The following OCEL1 variants were observed in gnomAD, a reference collection of about 807,000 sequenced individuals.
OCEL1 encodes the protein occludin/ELL domain containing 1, also known as occludin/ELL domain-containing protein 1.
Under a neutral mutation model 29.4 loss-of-function variants are expected in OCEL1, and 24 were observed. That is an observed-to-expected ratio of 0.82 (90% CI 0.59 to 1.15). OCEL1 has a LOEUF of 1.15. Among genes scored for constraint, OCEL1 ranks in the 50% most tolerant of loss-of-function variants. The pLI is 0.00. For synonymous variants in OCEL1, 172 were observed against 145.3 expected, an observed-to-expected ratio of 1.18 and a Z score of -1.32; for missense variants, 402 against 352.5, an observed-to-expected ratio of 1.14 and a Z score of -1.13.
In OCEL1 at chr19:17,228,276, C is replaced by T. The variant is rs138873912; in HGVS notation, c.639C>T (p.Ala213=). ...TGCAGAAGGAGGCCCAAGTTGCAGC[C>T]CGGGTTTGGAGGGAGTTTGAGATGA... The part of the protein sequence containing the change: ...PQSQKEAQVA[A]RVWREFEMKR... Residue 213 remains alanine (A), a synonymous_variant, in exon 5 of 6, where the codon GCC becomes GCT. Transcript: ENST00000215061. 11 of 1,613,968 alleles carry T rather than the reference C, an allele frequency of 6.8e-6. No homozygotes were observed. The African/African-American group carries it at 1.5e-4, about 22-fold the overall frequency.
chr19:17,226,311 G>A lies in OCEL1; in HGVS notation c.64G>A (p.Gly22Arg). Residue 22 changes from glycine to arginine, a missense_variant, in exon 1 of 6, where the codon GGA becomes AGA. Transcript: ENST00000215061. ...TCCAGGCTCGGAGCTCCAGACGCTG[G>A]GACAGGTGACCCGGGGCGGTAGCGA... Reference protein sequence around the residue: ...ADPGSELQTLGQAARRPPPPR... With the variant: ...ADPGSELQTLRQAARRPPPPR... The A allele has an allele frequency of 6.2e-7, 1 of 1,611,858 alleles. No homozygotes were observed. Among genetic ancestry groups the A allele is most frequent in the Non-Finnish European group, 8.5e-7 (1 of 1,179,456 alleles).
chr19:17,227,961 C>A lies in OCEL1; in HGVS notation c.574C>A (p.Gln192Lys). The change falls in exon 4 of 6, where the codon CAG becomes AAG. Residue 192 changes from glutamine (Q) to lysine (K), a missense_variant. Coordinates refer to ENST00000215061, the MANE Select transcript of OCEL1 (RefSeq NM_024578.3). ...GGGGTGTGCACAGGCAAAGCTCAGG[C>A]AGCTGGAGGCCCTGCTGAGCTCCCT... ...EVGCAQAKLR[Q>K]LEALLSSLPP... 1 of 1,612,814 alleles carries A rather than the reference C, an allele frequency of 6.2e-7. No individual in the cohort carries two copies. The highest frequency in any genetic ancestry group is 8.5e-7 in the Non-Finnish European group (1 of 1,180,000).
intron 5 of OCEL1, 136 bp from the exon 6 acceptor site, chr19:17,228,667 C>A: frequency 8.0e-7 from 1 of 1,253,204 alleles, no homozygotes; most frequent in Non-Finnish European, 1.1e-6. Flanking sequence ...AGCCACCTTG[C>A]CCGGCTCACC....
chr19:17,226,822 G>A lies in OCEL1; in HGVS notation c.199G>A (p.Gly67Ser), dbSNP rs771267670. The A allele has an allele frequency of 7.4e-5, 117 of 1,580,356 alleles. No homozygotes were observed. In the South Asian group the frequency reaches 1.3e-3, roughly 17 times the overall value. ...MPTREPPKTR[G>S]SRGHLHTHPP... is the part of the protein sequence containing the mutation. ...CACCCGGGAGCCCCCAAAGACTCGC[G>A]GCTCCCGGGGGCACCTGCATACTCA... Residue 67 changes from glycine to serine, a missense_variant, in exon 2 of 6, where the codon GGC becomes AGC. Physicochemically the swap from Gly to Ser is moderately conservative, Grantham distance 56. Transcript: ENST00000215061.
At position 17,227,100 on chromosome 19, in the gene OCEL1, A is replaced by C. The variant is rs773515950; in HGVS notation, c.353A>C (p.Asp118Ala). 9 of 1,608,646 alleles carry C rather than the reference A, an allele frequency of 5.6e-6. No individual in the cohort carries two copies. Among genetic ancestry groups the C allele is most frequent in the Non-Finnish European group, 6.8e-6 (8 of 1,178,910 alleles). ...KAKTKKIVFE[D>A]ELLSQALLGA... ...AAGACCAAGAAGATTGTGTTTGAGG[A>C]TGAGTTGCTCTCCCAGGCCCTCCTG... Residue 118 changes from aspartate to alanine, a missense_variant, in exon 3 of 6, where the codon GAT becomes GCT. Physicochemically the swap from Asp to Ala is moderately radical, Grantham distance 126. Transcript: ENST00000215061.
intron 1 of OCEL1, 92 bp downstream of exon 1, chr19:17,226,408 C>A: frequency 1.4e-6 from 2 of 1,457,656 alleles, no homozygotes; most frequent in Non-Finnish European, 9.4e-7. Context: ...GGGCTCTGCG[C>A]GCCCTGGAGG....
rs368314653 is a variant in OCEL1 at position 17,227,102 on chromosome 19, G to A, written c.355G>A (p.Glu119Lys). ...AKTKKIVFEDELLSQALLGAK... is the reference protein window; with the variant it reads ...AKTKKIVFEDKLLSQALLGAK... ...GACCAAGAAGATTGTGTTTGAGGAT[G>A]AGTTGCTCTCCCAGGCCCTCCTGGG... The change falls in exon 3 of 6, where the codon GAG becomes AAG. Residue 119 changes from glutamate (E) to lysine (K), a missense_variant. Glu to Lys is a moderately conservative substitution (Grantham distance 56, BLOSUM62 1). Coordinates refer to ENST00000215061, the MANE Select transcript of OCEL1 (RefSeq NM_024578.3). 3.7e-6 allele frequency: 6 copies of A among 1,608,516 alleles called. No individual in the cohort carries two copies. Among genetic ancestry groups the A allele is most frequent in the East Asian group, 2.3e-5 (1 of 44,128 alleles).
At chr19:17,228,191 C>T (rs1020490999) in intron 4 of OCEL1, 65 bp from the exon 5 acceptor site, 2 of 1,591,982 alleles carry the variant, frequency 1.3e-6, no homozygotes, top group African/African-American at 2.7e-5. Context: ...GTCTGAGCCT[C>T]AGTTTCTTCA....
At position 17,228,320 on chromosome 19, in the gene OCEL1, C is replaced by G; in HGVS notation, c.672+11C>G. The G allele has an allele frequency of 1.2e-6, 2 of 1,613,906 alleles. No individual in the cohort carries two copies. The highest frequency in any genetic ancestry group is 2.7e-5 in the African/African-American group (2 of 75,022). ...GAGATGAAGCGAATGGTGAGTCTTG[C>G]ATCCCACAGCTTGGTCTTGCACCCC... On this transcript the variant is annotated intron_variant, in intron 5 of 5. Coordinates refer to ENST00000215061, the MANE Select transcript of OCEL1 (RefSeq NM_024578.3).
chr19:17,227,779 C>G, intron 3 of OCEL1, 61 bp from the exon 4 acceptor site: 1 of 1,562,094 alleles, frequency 6.4e-7, no homozygotes, highest in South Asian at 1.1e-5. Flanking sequence ...GCAAATTACA[C>G]TGACTGGGGG....
At chr19:17,228,049 GGCCCGACCCAA>G (rs758888240) in intron 4 of OCEL1, 44 bp downstream of exon 4, 3 of 1,601,336 alleles carry the variant, frequency 1.9e-6, no homozygotes, top group African/African-American at 2.7e-5. Flanking sequence ...CCTTCTGAGT[GGCCCGACCCAA>G]GCCTCTGGGA....
intron 5 of OCEL1, chr19:17,228,528 C>T (rs957029681): frequency 6.6e-6 from 4 of 609,074 alleles, no homozygotes; most frequent in East Asian, 3.0e-5. Context: ...CGCCCACCAC[C>T]GTGCCTGGCA....
Position 17,227,185 on chromosome 19 carries a change from GC to G in OCEL1, c.441del (p.Asp148ThrfsTer9), listed in dbSNP as rs766261112. ...GGCATAAGCCTAGGCCCCACCCAGT[GC>G]CCGACTATGAGCTGTGAGTGTCCCC... ...KGHKPRPHPV[P>X]DYELKYPPVS... On this transcript the variant is annotated frameshift_variant, in exon 3 of 6. Coordinates refer to ENST00000215061, the MANE Select transcript of OCEL1 (RefSeq NM_024578.3). LOFTEE classifies it high-confidence loss of function. 1.3e-6 allele frequency: 2 copies of G among 1,507,428 alleles called. No homozygotes were observed. The highest frequency in any genetic ancestry group is 1.8e-6 in the Non-Finnish European group (2 of 1,132,438). 93.4% of individuals were successfully genotyped at this position (1,507,428 alleles called of 1,614,324 possible).
intron 1 of OCEL1, 138 bp downstream of exon 1, chr19:17,226,454 G>A: frequency 1.8e-6 from 2 of 1,082,918 alleles, no homozygotes; most frequent in Non-Finnish European, 1.3e-6. Context: ...AACTCGAGCC[G>A]GTCCCAGGCT....
intron 1 of OCEL1, 136 bp downstream of exon 1, chr19:17,226,452 C>A: frequency 1.8e-6 from 2 of 1,116,926 alleles, no homozygotes; most frequent in South Asian, 1.5e-5. Flanking sequence ...TTAACTCGAG[C>A]CGGTCCCAGG....
chr19:17,228,931 C>T lies in OCEL1; in HGVS notation c.*6C>T. On this transcript the variant is annotated 3_prime_UTR_variant, in exon 6 of 6. Transcript: ENST00000215061. ...AGGGCTCCGTGTACTTCTAAGTGCC[C>T]CTGCAGATGGGCAGAGGGATGCATG... 2 of 1,611,274 alleles carry T rather than the reference C, an allele frequency of 1.2e-6. No individual in the cohort carries two copies. Among genetic ancestry groups the T allele is most frequent in the South Asian group, 2.2e-5 (2 of 91,004 alleles).
intron 3 of OCEL1, 34 bp downstream of exon 3, chr19:17,227,233 G>C: frequency 1.4e-6 from 2 of 1,454,270 alleles, no homozygotes; most frequent in Non-Finnish European, 1.8e-6. Context: ...TCATGCCTGG[G>C]ATCAGGAGAG....
At chr19:17,228,759 C>T in intron 5 of OCEL1, 44 bp from the exon 6 acceptor site, 1 of 1,600,320 alleles carries the variant, frequency 6.2e-7, no homozygotes, top group Non-Finnish European at 8.5e-7. Context: ...TTGAAGGCCA[C>T]AGGGCAGACT....
chr19:17,227,026 C>T lies in OCEL1; in HGVS notation c.279C>T (p.Thr93=), dbSNP rs1328836769. Residue 93 remains threonine, a synonymous_variant, in exon 3 of 6, where the codon ACC becomes ACT. Coordinates refer to ENST00000215061, the MANE Select transcript of OCEL1 (RefSeq NM_024578.3). The part of the protein sequence containing the change: ...LQGLAPRGLK[T]SAPRPPCQPQ... ...GACTGGCGCCCCGAGGCCTCAAAAC[C>T]AGCGCCCCCCGCCCTCCGTGCCAGC... 1 of 1,599,264 alleles carries T rather than the reference C, an allele frequency of 6.3e-7. No individual in the cohort carries two copies. Among genetic ancestry groups the T allele is most frequent in the East Asian group, 2.3e-5 (1 of 43,962 alleles).
Sources: gnomAD v4.1 joint callset for allele counts on GRCh38, gnomAD v4.1.1 for gene constraint, MANE v1.5 for transcripts, NCBI Gene and HGNC (gene_info 2026-07-23, HGNC 2026-07-21) for gene names.